Variants in GRM7 observed in about 807,000 individuals in gnomAD.
GRM7 encodes the protein glutamate metabotropic receptor 7, also known as metabotropic glutamate receptor 7.
Under a neutral mutation model 84.5 loss-of-function variants are expected in GRM7, and 35 were observed. The ratio of observed to expected loss-of-function variants is 0.41; its 90% CI spans 0.32 to 0.55. The LOEUF (loss-of-function observed/expected upper bound fraction) is 0.55, where lower values mean the gene tolerates loss of function less well. GRM7 is among the 20% of genes least tolerant of loss of function. The pLI is 0.19. For synonymous variants in GRM7, 487 were observed against 455.1 expected (o/e 1.07, Z -0.89); for missense variants, 1,003 against 1,194.6 (o/e 0.84, Z 2.36).
chr3:7,043,948 G>T (rs1696715635), intron 1 of GRM7, among the ~76,000 whole-genome samples: 2 of 152,152 alleles, frequency 1.3e-5, no homozygotes, highest in African/African-American at 4.8e-5. Context: ...CTGAGTAGCT[G>T]GGAATACAGG....
intron 1 of GRM7, among the ~76,000 whole-genome samples, chr3:6,949,703 T>G (rs1046262098): frequency 2.0e-5 from 3 of 152,174 alleles, no homozygotes; most frequent in Non-Finnish European, 4.4e-5. Flanking sequence ...CAATCAGACG[T>G]AGATTTGGTC....
At chr3:6,898,359 A>C (rs1430846485) in intron 1 of GRM7, among the ~76,000 whole-genome samples, 1 of 151,094 alleles carries the variant, frequency 6.6e-6, no homozygotes, top group African/African-American at 2.4e-5. Context: ...ACCAAGGACG[A>C]AAGAGTGTCA....
intron 3 of GRM7, among the ~76,000 whole-genome samples, chr3:7,304,352 C>T (rs200455013): frequency 2.8e-4 from 32 of 115,820 alleles, no homozygotes; most frequent in African/African-American, 3.8e-4. Flanking sequence ...AATATCATTT[C>T]TTTTTTTTTT....
At chr3:7,569,875 C>T (rs1004619819) in intron 7 of GRM7, among the ~76,000 whole-genome samples, 1 of 152,130 alleles carries the variant, frequency 6.6e-6, no homozygotes, top group African/African-American at 2.4e-5. Context: ...GAACAAACTC[C>T]GGACACGCCG....
At chr3:7,071,868 A>G (rs1201843076) in intron 1 of GRM7, among the ~76,000 whole-genome samples, 1 of 152,112 alleles carries the variant, frequency 6.6e-6, no homozygotes, top group Admixed American at 6.6e-5. Context: ...CATTAAACCT[A>G]TACCAGTATT....
intron 1 of GRM7, among the ~76,000 whole-genome samples, chr3:6,899,081 G>A (rs1172096302): frequency 6.6e-6 from 1 of 152,124 alleles, no homozygotes; most frequent in Non-Finnish European, 1.5e-5. Flanking sequence ...AGAAATAGAG[G>A]TAAGAGTTGA....
intron 1 of GRM7, among the ~76,000 whole-genome samples, chr3:7,106,399 T>TC (rs1383254482): frequency 6.6e-6 from 1 of 151,480 alleles, no homozygotes; most frequent in South Asian, 2.1e-4. Context: ...CATGTTCCAG[T>TC]CCCCCCTATA....
chr3:7,173,273 A>C (rs1397946465), intron 2 of GRM7, among the ~76,000 whole-genome samples: 1 of 152,160 alleles, frequency 6.6e-6, no homozygotes, highest in Non-Finnish European at 1.5e-5. Flanking sequence ...TACTACTTAC[A>C]ATCCTGAATT....
chr3:6,895,188 A>T (rs192160064), intron 1 of GRM7, among the ~76,000 whole-genome samples: 27 of 152,298 alleles, frequency 1.8e-4, no homozygotes, highest in African/African-American at 5.5e-4. Flanking sequence ...TGGAAGTCTA[A>T]AGAAAGACTC....
intron 1 of GRM7, among the ~76,000 whole-genome samples, chr3:7,143,779 C>A (rs1476696282): frequency 6.6e-6 from 1 of 152,114 alleles, no homozygotes; most frequent in Non-Finnish European, 1.5e-5. Flanking sequence ...AAGGCATCTG[C>A]GCAACAGCAT....
At chr3:7,080,245 T>A (rs891436250) in intron 1 of GRM7, among the ~76,000 whole-genome samples, 3 of 152,078 alleles carry the variant, frequency 2.0e-5, no homozygotes, top group Non-Finnish European at 4.4e-5. Flanking sequence ...TCAATCTTAT[T>A]ACTAAGCACT....
chr3:7,352,493 C>T (rs186719225), intron 4 of GRM7, among the ~76,000 whole-genome samples: 12 of 152,152 alleles, frequency 7.9e-5, no homozygotes, highest in East Asian at 5.8e-4. Flanking sequence ...GCCCTGAAGA[C>T]GAGTCTCTGC....
chr3:6,889,746 G>T (rs9863408), intron 1 of GRM7, among the ~76,000 whole-genome samples: 68,981 of 151,252 alleles, frequency 0.46, 16,506 homozygotes, highest in African/African-American at 0.61. Context: ...GCTGGCCTCA[G>T]CAAATGAGTT....
chr3:7,104,111 G>A (rs1461525455), intron 1 of GRM7, among the ~76,000 whole-genome samples: 2 of 151,074 alleles, frequency 1.3e-5, no homozygotes, highest in Non-Finnish European at 3.0e-5. Flanking sequence ...GATGGGATTA[G>A]TGCCCTTATA....
intron 1 of GRM7, among the ~76,000 whole-genome samples, chr3:7,045,613 TG>T (rs1696778201): frequency 6.6e-6 from 1 of 152,180 alleles, no homozygotes; most frequent in African/African-American, 2.4e-5. Flanking sequence ...ATTTTAGACT[TG>T]GCATATAAGT....
At chr3:7,553,374 C>A (rs376262316) in intron 7 of GRM7, among the ~76,000 whole-genome samples, 27 of 152,244 alleles carry the variant, frequency 1.8e-4, no homozygotes, top group Admixed American at 7.8e-4. Context: ...GCCCTCCAAA[C>A]TGTTCCAACC....
At chr3:7,544,194 G>A (rs1347343403) in intron 7 of GRM7, among the ~76,000 whole-genome samples, 1 of 152,146 alleles carries the variant, frequency 6.6e-6, no homozygotes, top group Non-Finnish European at 1.5e-5. Flanking sequence ...AAGAGACAGG[G>A]TCTCACTCTG....
intron 6 of GRM7, among the ~76,000 whole-genome samples, chr3:7,454,088 ACACTCTCTCTCT>A (rs1438569938): frequency 4.5e-5 from 5 of 111,752 alleles, no homozygotes; most frequent in African/African-American, 7.7e-5. Flanking sequence ...AGCTACACAC[ACACTCTCTCTCT>A]CTCTCTCTCT....
In GRM7 at chr3:7,640,005, A is replaced by G. The variant is rs147721920; in HGVS notation, c.2452-40044A>G. On this transcript the variant is annotated intron_variant, in intron 8 of 9. Transcript: ENST00000357716. ...TACTCAATTTATTTTTTGAGATTCA[A>G]TCATGTCATAGTATATATACAGCCC... Among the ~76,000 whole-genome samples the G allele has an allele frequency of 4.9e-3, 751 of 152,198 alleles. 3 individuals are homozygous for G. Among genetic ancestry groups the G allele is most frequent in the African/African-American group, 0.017 (700 of 41,522 alleles).
Sources: allele counts gnomAD v4.1 joint callset (sites outside exome capture counted in the v4.1 genomes callset), GRCh38; gene constraint gnomAD v4.1.1; transcripts MANE v1.5; gene names NCBI Gene and HGNC (gene_info 2026-07-23, HGNC 2026-07-21).